NAV3: variants seen among roughly 807,000 people sequenced by gnomAD.
NAV3 encodes the protein pore membrane and/or filament interacting like protein 1.
A neutral mutation model predicts 244.7 loss-of-function variants in NAV3; 87 were observed. The observed-to-expected ratio is 0.36, with a 90% CI of 0.30 to 0.42. The LOEUF is 0.42. Among genes scored for constraint, NAV3 ranks in the 20% least tolerant of loss-of-function variants. The pLI is 1.00. For synonymous variants in NAV3, 1,126 were observed against 1,042.2 expected, an observed-to-expected ratio of 1.08 and a Z score of -1.55; for missense variants, 2,663 against 2,893.3, an observed-to-expected ratio of 0.92 and a Z score of 1.83.
chr12:78,132,423 C>A (rs977734302), intron 18 of NAV3, among the ~76,000 whole-genome samples: 1 of 152,134 alleles, frequency 6.6e-6, no homozygotes, highest in Non-Finnish European at 1.5e-5. Flanking sequence ...GATCTCTCAG[C>A]TGTGTCAGAC....
intron 1 of NAV3, among the ~76,000 whole-genome samples, chr12:77,920,011 C>G (rs1297668996): frequency 1.3e-5 from 2 of 151,908 alleles, no homozygotes; most frequent in African/African-American, 4.8e-5. Flanking sequence ...TAACTTACCA[C>G]TAATTGAAGC....
At chr12:77,869,894 G>A (rs1356239106) in intron 1 of NAV3, among the ~76,000 whole-genome samples, 1 of 152,134 alleles carries the variant, frequency 6.6e-6, no homozygotes, top group Admixed American at 6.5e-5. Context: ...TGTCATGAAT[G>A]AATGAATTAA....
At chr12:78,208,298 C>T (rs2140119114) in intron 39 of NAV3, among the ~76,000 whole-genome samples, 2 of 152,134 alleles carry the variant, frequency 1.3e-5, no homozygotes, top group Non-Finnish European at 2.9e-5. Context: ...ACCAGAATGC[C>T]ATTAATCTGT....
intron 9 of NAV3, among the ~76,000 whole-genome samples, chr12:78,029,792 G>A (rs1878673372): frequency 6.6e-6 from 1 of 152,064 alleles, no homozygotes. Flanking sequence ...TTTTTTCACT[G>A]CATTAATGCT....
At chr12:77,937,522 A>G (rs1027197582) in intron 1 of NAV3, among the ~76,000 whole-genome samples, 1 of 152,190 alleles carries the variant, frequency 6.6e-6, no homozygotes, top group African/African-American at 2.4e-5. Flanking sequence ...TGTATAATTA[A>G]TGTTATCATA....
intron 2 of NAV3, among the ~76,000 whole-genome samples, chr12:77,625,522 A>G (rs1043008370): frequency 1.3e-5 from 2 of 152,212 alleles, no homozygotes; most frequent in Non-Finnish European, 2.9e-5. Context: ...AAATGATTAT[A>G]GGAAGAAATT....
At chr12:77,915,311 T>C (rs796790423) in intron 1 of NAV3, among the ~76,000 whole-genome samples, 59 of 152,158 alleles carry the variant, frequency 3.9e-4, no homozygotes, top group African/African-American at 1.4e-3. Context: ...ATGTGAATGA[T>C]TAAATTAAAC....
intron 12 of NAV3, among the ~76,000 whole-genome samples, chr12:78,095,952 C>G (rs570647059): frequency 2.6e-5 from 4 of 152,234 alleles, no homozygotes; most frequent in African/African-American, 9.6e-5. Context: ...AGTGGCAGAT[C>G]TGGAAGTAAC....
At position 78,199,492 on chromosome 12, in the gene NAV3, A is replaced by G. The variant is rs762606263; in HGVS notation, c.6676A>G (p.Ser2226Gly). The change falls in exon 37 of 40, where the codon AGT becomes GGT. Residue 2226 changes from serine to glycine, a missense_variant. Coordinates refer to ENST00000397909, the MANE Select transcript of NAV3 (RefSeq NM_001024383.2). ...WIPKTWHHLNSFLETHSSSDV... is the reference protein window; with the variant it reads ...WIPKTWHHLNGFLETHSSSDV... ...TCCGAAGACGTGGCATCATCTCAAC[A>G]GTTTTTTGGAAACACACAGTTCTTC... 23 of 1,602,372 alleles carry G rather than the reference A, an allele frequency of 1.4e-5. No individual in the cohort carries two copies. In the Admixed American group the frequency reaches 3.2e-4, roughly 22 times the overall value.
intron 9 of NAV3, among the ~76,000 whole-genome samples, chr12:78,033,770 A>C (rs1275093807): frequency 6.6e-6 from 1 of 152,132 alleles, no homozygotes; most frequent in Non-Finnish European, 1.5e-5. Flanking sequence ...TCCAGGGTTC[A>C]CCCCTCCAGA....
chr12:77,637,792 A>G (rs1424626892), intron 2 of NAV3, among the ~76,000 whole-genome samples: 2 of 152,180 alleles, frequency 1.3e-5, no homozygotes, highest in Non-Finnish European at 2.9e-5. Flanking sequence ...ATTATGTTTC[A>G]TAATGTTATG....
chr12:78,102,842 A>G (rs1211971035), intron 12 of NAV3, among the ~76,000 whole-genome samples: 1 of 152,174 alleles, frequency 6.6e-6, no homozygotes, highest in Non-Finnish European at 1.5e-5. Context: ...CAATGGCTGG[A>G]GTGACTGGGA....
chr12:78,140,424 A>G (rs1260013066), intron 20 of NAV3, 90 bp downstream of exon 20: 3 of 1,131,672 alleles, frequency 2.7e-6, no homozygotes, highest in Non-Finnish European at 4.0e-6. Context: ...GATCACATTC[A>G]TCTATGACTT....
chr12:78,036,936 CA>C, intron 9 of NAV3: 1 of 702,956 alleles, frequency 1.4e-6, no homozygotes, highest in East Asian at 2.7e-5. Flanking sequence ...CCTTCAGAAA[CA>C]AAAGTCTCTG....
chr12:77,602,003 C>G (rs1389590861), intron 2 of NAV3, among the ~76,000 whole-genome samples: 2 of 151,910 alleles, frequency 1.3e-5, no homozygotes, highest in Non-Finnish European at 2.9e-5. Flanking sequence ...TTTAAATAGT[C>G]TAGTTTAAAC....
chr12:77,582,981 A>C (rs555885813), intron 2 of NAV3, among the ~76,000 whole-genome samples: 3 of 152,242 alleles, frequency 2.0e-5, no homozygotes, highest in Non-Finnish European at 2.9e-5. Context: ...ATAGTGTTCT[A>C]TATAAATGGC....
At chr12:77,683,200 A>T (rs1400872010) in intron 2 of NAV3, among the ~76,000 whole-genome samples, 1 of 152,136 alleles carries the variant, frequency 6.6e-6, no homozygotes, top group Admixed American at 6.6e-5. Flanking sequence ...GTATGGTATA[A>T]GGTGAGGGTC....
chr12:77,801,014 T>C (rs142015441), intron 2 of NAV3, among the ~76,000 whole-genome samples: 120 of 152,240 alleles, frequency 7.9e-4, no homozygotes, highest in African/African-American at 2.8e-3. Context: ...GATATCTATT[T>C]CTTTGATTTG....
At chr12:77,869,832 G>C (rs987300828) in intron 1 of NAV3, among the ~76,000 whole-genome samples, 3 of 152,208 alleles carry the variant, frequency 2.0e-5, no homozygotes, top group Admixed American at 6.5e-5. Context: ...AACCTGGTTT[G>C]ACCCACTAGT....
Sources: gnomAD v4.1 joint callset for allele counts (sites outside exome capture counted in the v4.1 genomes callset) on GRCh38, gnomAD v4.1.1 for gene constraint, MANE v1.5 for transcripts, NCBI Gene and HGNC (gene_info 2026-07-23, HGNC 2026-07-21) for gene names.